Variants in DLGAP2 observed in about 807,000 individuals in gnomAD.
The protein encoded by DLGAP2 is DLG associated protein 2.
A neutral mutation model predicts 100.3 loss-of-function variants in DLGAP2; 26 were observed. That is an observed-to-expected ratio of 0.26 (90% CI 0.19 to 0.36). The LOEUF (loss-of-function observed/expected upper bound fraction) is 0.36. Among genes scored for constraint, DLGAP2 ranks in the 10% least tolerant of loss-of-function variants. The probability of loss-of-function intolerance (pLI) is 1.00; values close to 1 mark genes in which losing one functional copy is unlikely to be tolerated. For synonymous variants in DLGAP2, 886 were observed against 630.1 expected (o/e 1.41, Z -6.08); for missense variants, 1,858 against 1,453.2 (o/e 1.28, Z -4.53).
At position 1,003,040 on chromosome 8, in the gene DLGAP2, C is replaced by T. The variant is rs923425878; in HGVS notation, c.73+95074C>T. The T allele has an allele frequency of 5.9e-5, 9 of 152,470 alleles. No individual in the cohort carries two copies. The East Asian group carries it at 7.7e-4, about 13-fold the overall frequency. 9.4% of individuals were successfully genotyped at this position (152,470 alleles called of 1,614,324 possible). A position where few individuals can be genotyped will look rare whatever the true frequency, so the allele number is the denominator to read the frequency against. On this transcript the variant is annotated intron_variant, in intron 2 of 14. Transcript: ENST00000637795. ...CCACAGCAGTGTGCAGCGTGGAACT[C>T]GGCGGTTCGGGGTCCCTGAGTCCCT... is the stretch of plus-strand genomic sequence containing the variant.
chr8:1,504,603 T>C lies in DLGAP2; in HGVS notation c.172+3172T>C, dbSNP rs566309669. Among the ~76,000 whole-genome samples the C allele has an allele frequency of 3.9e-5, 6 of 152,326 alleles. No individual in the cohort carries two copies. In the South Asian group the frequency reaches 1.2e-3, roughly 32 times the overall value. ...TGTTCTACCCTCTGCTTCTGAGTTCTATGCTTTCAGATTCCACGTGTAAGT... is the reference window on the plus strand; with the variant it reads ...TGTTCTACCCTCTGCTTCTGAGTTCCATGCTTTCAGATTCCACGTGTAAGT... On this transcript the variant is annotated intron_variant, in intron 4 of 14. Transcript: ENST00000637795.
chr8:1,471,762 C>G (rs899819421), intron 3 of DLGAP2, among the ~76,000 whole-genome samples: 22 of 152,316 alleles, frequency 1.4e-4, no homozygotes, highest in Non-Finnish European at 2.6e-4. Context: ...TTCACCCTTG[C>G]TACTCCCATC....
chr8:1,443,200 A>G (rs1376895894), intron 3 of DLGAP2, among the ~76,000 whole-genome samples: 1 of 152,236 alleles, frequency 6.6e-6, no homozygotes, highest in Admixed American at 6.5e-5. Flanking sequence ...AAAGATATTG[A>G]CATATAATCC....
At chr8:1,564,512 A>G (rs1802316581) in intron 5 of DLGAP2, among the ~76,000 whole-genome samples, 3 of 152,210 alleles carry the variant, frequency 2.0e-5, no homozygotes, top group Admixed American at 6.5e-5. Context: ...GGGGGGTTAT[A>G]TGTATGGGCT....
intron 3 of DLGAP2, among the ~76,000 whole-genome samples, chr8:1,333,432 T>G (rs1801202677): frequency 6.6e-6 from 1 of 152,186 alleles, no homozygotes; most frequent in African/African-American, 2.4e-5. Context: ...AACTGTGATC[T>G]CGTCCCTGAC....
intron 2 of DLGAP2, among the ~76,000 whole-genome samples, chr8:1,033,258 C>T (rs1334910024): frequency 1.3e-5 from 2 of 152,184 alleles, no homozygotes; most frequent in Non-Finnish European, 2.9e-5. Context: ...CAAACAGGCC[C>T]CTCGCCTCGT....
At chr8:1,472,665 A>G (rs576163444) in intron 3 of DLGAP2, among the ~76,000 whole-genome samples, 1 of 152,192 alleles carries the variant, frequency 6.6e-6, no homozygotes, top group Non-Finnish European at 1.5e-5. Flanking sequence ...TATTTTCTAC[A>G]GATGAGGCAA....
Position 807,130 on chromosome 8 carries a change from A to T in DLGAP2, c.18+69305A>T, listed in dbSNP as rs912381003. ...TAGGGTTTTAACTTGCTCTGTGTGG[A>T]TTTTTCCCAGTGGGCTGGTGGCACG... On this transcript the variant is annotated intron_variant, in intron 1 of 14. Coordinates refer to ENST00000637795, the MANE Select transcript of DLGAP2 (RefSeq NM_001346810.2). Among the ~76,000 whole-genome samples the T allele has an allele frequency of 2.0e-5, 3 of 152,240 alleles. No individual in the cohort carries two copies. The East Asian group carries it at 5.8e-4, about 29-fold the overall frequency.
At chr8:1,055,200 T>G (rs999151605) in intron 2 of DLGAP2, among the ~76,000 whole-genome samples, 1 of 152,264 alleles carries the variant, frequency 6.6e-6, no homozygotes, top group Non-Finnish European at 1.5e-5. Flanking sequence ...TGTGATTATG[T>G]GATGACATTC....
intron 3 of DLGAP2, among the ~76,000 whole-genome samples, chr8:1,268,745 A>G (rs915934271): frequency 6.6e-6 from 1 of 152,246 alleles, no homozygotes; most frequent in African/African-American, 2.4e-5. Flanking sequence ...TTGTTTCTTT[A>G]AAAATTTAAA....
Position 1,156,397 on chromosome 8 carries a change from T to C in DLGAP2, c.74-102454T>C, listed in dbSNP as rs933706930. Among the ~76,000 whole-genome samples the C allele has an allele frequency of 1.2e-4, 18 of 152,174 alleles. 1 individual carries two copies. The highest frequency in any genetic ancestry group is 3.6e-4 in the African/African-American group (15 of 41,448). Reference sequence around the variant, plus strand: ...GCCTCACTCTGGACGCCCCTGGGTCTGGCCGTGGGCCGTGGCACACACAGT... The same window carrying C: ...GCCTCACTCTGGACGCCCCTGGGTCCGGCCGTGGGCCGTGGCACACACAGT... On this transcript the variant is annotated intron_variant, in intron 2 of 14. Transcript: ENST00000637795.
At chr8:1,005,405 GTTTTTT>G (rs34780471) in intron 2 of DLGAP2, among the ~76,000 whole-genome samples, 2 of 99,202 alleles carry the variant, frequency 2.0e-5, no homozygotes, top group African/African-American at 7.5e-5. Flanking sequence ...AACTCCACTT[GTTTTTT>G]TTTTTTTTTT....
chr8:1,352,909 G>C (rs1393454938), intron 3 of DLGAP2, among the ~76,000 whole-genome samples: 1 of 152,164 alleles, frequency 6.6e-6, no homozygotes, highest in East Asian at 1.9e-4. Flanking sequence ...GGGGCCTCCG[G>C]TCTTCCAGCT....
chr8:886,360 A>G lies in DLGAP2; in HGVS notation c.19-21552A>G, dbSNP rs148405387. Among the ~76,000 whole-genome samples, 57 of 151,632 alleles carry G rather than the reference A, an allele frequency of 3.8e-4. 1 individual carries two copies. The highest frequency in any genetic ancestry group is 6.5e-4 in the African/African-American group (27 of 41,358). ...GTTGATTTTTTTCGGACCATTTTTC[A>G]TCTATCTCCTTAAATTCTTCTCCGA... On this transcript the variant is annotated intron_variant, in intron 1 of 14. Coordinates refer to ENST00000637795, the MANE Select transcript of DLGAP2 (RefSeq NM_001346810.2).
chr8:1,473,022 C>T (rs1461539902), intron 3 of DLGAP2, among the ~76,000 whole-genome samples: 1 of 152,148 alleles, frequency 6.6e-6, no homozygotes, highest in Non-Finnish European at 1.5e-5. Flanking sequence ...CCTCCGCCTC[C>T]CAGGTTCAAG....
chr8:1,268,614 G>A (rs898936883), intron 3 of DLGAP2, among the ~76,000 whole-genome samples: 1 of 152,180 alleles, frequency 6.6e-6, no homozygotes, highest in African/African-American at 2.4e-5. Context: ...TGAGAGTCAA[G>A]TATCCTTAAG....
chr8:1,373,358 C>T (rs117408777), intron 3 of DLGAP2, among the ~76,000 whole-genome samples: 4,685 of 152,042 alleles, frequency 0.031, 155 homozygotes, highest in East Asian at 0.16. Context: ...TGGACCGTGG[C>T]CGCAGGTTGG....
intron 3 of DLGAP2, among the ~76,000 whole-genome samples, chr8:1,478,676 C>G (rs1382022321): frequency 6.6e-6 from 1 of 152,084 alleles, no homozygotes; most frequent in Non-Finnish European, 1.5e-5. Flanking sequence ...ATGCCCAGGG[C>G]AATGGTCAAA....
chr8:1,388,455 T>G (rs113012321), intron 3 of DLGAP2, among the ~76,000 whole-genome samples: 35 of 31,592 alleles, frequency 1.1e-3, no homozygotes, highest in Admixed American at 1.7e-3. Flanking sequence ...GAGAGGCAGA[T>G]GCCGTGGATG....
Sources: allele counts gnomAD v4.1 joint callset (sites outside exome capture counted in the v4.1 genomes callset), GRCh38; gene constraint gnomAD v4.1.1; transcripts MANE v1.5; gene names NCBI Gene and HGNC (gene_info 2026-07-23, HGNC 2026-07-21).